The following ANKRD30B variants were observed in gnomAD, a reference collection of about 807,000 sequenced individuals.
ANKRD30B encodes ankyrin repeat domain-containing protein 30B.
Under a neutral mutation model 202.2 loss-of-function variants are expected in ANKRD30B, and 144 were observed. The observed-to-expected ratio is 0.71, with a 90% confidence interval of 0.62 to 0.82. The LOEUF is 0.82. Ranked by LOEUF, ANKRD30B falls within the 40% of genes least tolerant of loss-of-function variation. The pLI is 0.00. For synonymous variants in ANKRD30B, 508 were observed against 561.3 expected (o/e 0.91, Z 1.34); for missense variants, 1,487 against 1,669.1 (o/e 0.89, Z 1.90).
At position 14,757,852 on chromosome 18, in the gene ANKRD30B, G is replaced by A. The variant is rs530927155; in HGVS notation, c.655G>A (p.Glu219Lys). 2 of 1,613,860 alleles carry A rather than the reference G, an allele frequency of 1.2e-6. No homozygotes were observed. Among genetic ancestry groups the A allele is most frequent in the South Asian group, 2.2e-5 (2 of 91,068 alleles). Residue 219 changes from glutamate (E) to lysine (K), a missense_variant, in exon 5 of 44, where the codon GAG becomes AAG. Transcript: ENST00000690538. ...LMLAICEGSS[E>K]IVGMLLQQNV... ...GCTTGCCATATGTGAAGGCTCATCA[G>A]AGATAGTCGGCATGCTTCTTCAGCA...
At chr18:14,875,446 C>T in the ANKRD30B span, among the ~76,000 whole-genome samples, 1 of 152,176 alleles carries the variant, frequency 6.6e-6, no homozygotes, top group Admixed American at 6.5e-5. Context: ...AGGGGCTTTC[C>T]CATAGGAAGG....
At chr18:14,901,555 GTT>G in the ANKRD30B span, among the ~76,000 whole-genome samples, 6 of 148,484 alleles carry the variant, frequency 4.0e-5, no homozygotes. Context: ...TCAAGACAAA[GTT>G]TTTTTTTTTT....
chr18:14,784,083 C>G (rs1038870122), intron 12 of ANKRD30B, among the ~76,000 whole-genome samples: 1 of 152,096 alleles, frequency 6.6e-6, no homozygotes, highest in African/African-American at 2.4e-5. Context: ...TCATATCAAC[C>G]CTTTTTACAC....
At chr18:14,756,114 T>C (rs894749196) in intron 4 of ANKRD30B, among the ~76,000 whole-genome samples, 30 of 152,208 alleles carry the variant, frequency 2.0e-4, no homozygotes, top group African/African-American at 6.8e-4. Flanking sequence ...TGTGAGATGG[T>C]ATCTCATTGT....
chr18:14,938,094 T>TCCTCTCCCTACATGCCTTCCCC, the ANKRD30B span, among the ~76,000 whole-genome samples: 1 of 152,124 alleles, frequency 6.6e-6, no homozygotes, highest in African/African-American at 2.4e-5. Flanking sequence ...CTGCCTTCAC[T>TCCTCTCCCTACATGCCTTCCCC]CCTCTCCCTA....
At chr18:14,893,505 G>T in the ANKRD30B span, among the ~76,000 whole-genome samples, 1 of 152,038 alleles carries the variant, frequency 6.6e-6, no homozygotes, top group African/African-American at 2.4e-5. Flanking sequence ...CAGTTACTCG[G>T]GAGGCTGAGT....
chr18:14,807,821 G>C (rs1198243381), intron 24 of ANKRD30B, among the ~76,000 whole-genome samples: 2 of 150,912 alleles, frequency 1.3e-5, no homozygotes, highest in Admixed American at 1.3e-4. Context: ...CATGAGCCAC[G>C]GCACCTGGAC....
chr18:14,847,851 A>G (rs1301852666), intron 39 of ANKRD30B, among the ~76,000 whole-genome samples: 1 of 151,928 alleles, frequency 6.6e-6, no homozygotes, highest in Admixed American at 6.6e-5. Context: ...CTCTAATTTT[A>G]TAAGTTCCGC....
chr18:14,936,957 C>G, the ANKRD30B span, among the ~76,000 whole-genome samples: 1 of 152,152 alleles, frequency 6.6e-6, no homozygotes, highest in Non-Finnish European at 1.5e-5. Flanking sequence ...TACCTCCAGT[C>G]CTGGGCTCCA....
the ANKRD30B span, among the ~76,000 whole-genome samples, chr18:14,929,929 G>A: frequency 6.6e-6 from 1 of 152,140 alleles, no homozygotes; most frequent in African/African-American, 2.4e-5. Flanking sequence ...GGAAAATGAG[G>A]CAGCCAGATG....
chr18:14,851,369 GATTCA>G (rs1971877105), intron 41 of ANKRD30B, 135 bp from the exon 42 acceptor site: 1 of 730,224 alleles, frequency 1.4e-6, no homozygotes, highest in Non-Finnish European at 1.9e-6. Context: ...TTGAAGTTTT[GATTCA>G]ATGGTTCTTC....
chr18:14,772,132 A>T lies in ANKRD30B; in HGVS notation c.1257-24A>T, dbSNP rs1598596155. 10 of 1,421,934 alleles carry T rather than the reference A, an allele frequency of 7.0e-6. No individual in the cohort carries two copies. The East Asian group carries it at 2.6e-4, about 37-fold the overall frequency. 88.1% of individuals were successfully genotyped at this position (1,421,934 alleles called of 1,614,324 possible). A position where few individuals can be genotyped will look rare whatever the true frequency, so the allele number is the denominator to read the frequency against. ...TTTAAATATATGAATTTGCTCATTT[A>T]TGTTGTATCATTTTTCTTTAAAGTC... On this transcript the variant is annotated intron_variant, in intron 8 of 43. Transcript: ENST00000690538.
At chr18:14,790,832 G>T (rs528401004) in intron 15 of ANKRD30B, among the ~76,000 whole-genome samples, 1 of 152,122 alleles carries the variant, frequency 6.6e-6, no homozygotes, top group Admixed American at 6.5e-5. Flanking sequence ...GTTCATCAGG[G>T]ATATTGGTCT....
chr18:14,896,182 A>G, the ANKRD30B span, among the ~76,000 whole-genome samples: 1 of 149,986 alleles, frequency 6.7e-6, no homozygotes, highest in Non-Finnish European at 1.5e-5. Context: ...CCCAGGCTGG[A>G]GTGCAGTGGC....
chr18:14,804,736 T>A (rs1243878379), intron 24 of ANKRD30B, among the ~76,000 whole-genome samples: 1 of 150,766 alleles, frequency 6.6e-6, no homozygotes, highest in Non-Finnish European at 1.5e-5. Context: ...GAATAGAAAT[T>A]GTAGATGGAA....
intron 10 of ANKRD30B, among the ~76,000 whole-genome samples, chr18:14,779,286 T>C (rs1443165171): frequency 6.6e-6 from 1 of 152,222 alleles, no homozygotes; most frequent in Non-Finnish European, 1.5e-5. Flanking sequence ...CAATCATTTT[T>C]CCTAGAAATG....
In ANKRD30B at chr18:14,754,914, C is replaced by T. The variant is rs1357754443; in HGVS notation, c.526C>T (p.Leu176Phe). ...TATTTTACAGGCTAGCCTCACACCC[C>T]TTTTACTGGCCATACAGAAAAGAAG... ...EVQNKASLTP[L>F]LLAIQKRSKQ... is the part of the protein sequence containing the mutation. The change falls in exon 4 of 44, where the codon CTT becomes TTT. Residue 176 changes from leucine to phenylalanine, a missense_variant. Leu to Phe is a conservative substitution (Grantham distance 22). Around this residue, in one of 6 missense-constraint regions of ANKRD30B, gnomAD observed 889 missense variants for 841.4 expected, o/e 1.06. Coordinates refer to ENST00000690538, the MANE Select transcript of ANKRD30B (RefSeq NM_001367607.2). 1.9e-6 allele frequency: 3 copies of T among 1,542,256 alleles called. No individual in the cohort carries two copies. The South Asian group carries it at 3.7e-5, about 19-fold the overall frequency.
chr18:14,752,252 T>C (rs1350256936), intron 1 of ANKRD30B, among the ~76,000 whole-genome samples: 1 of 152,170 alleles, frequency 6.6e-6, no homozygotes, highest in Non-Finnish European at 1.5e-5. Context: ...TGTATTCATC[T>C]CCATTTTATT....
chr18:14,878,857 C>T, the ANKRD30B span, among the ~76,000 whole-genome samples: 1 of 152,288 alleles, frequency 6.6e-6, no homozygotes, highest in South Asian at 2.1e-4. Flanking sequence ...AGGTGCTGTG[C>T]AGCAATGCCC....
Sources: gnomAD v4.1 joint callset for allele counts (sites outside exome capture counted in the v4.1 genomes callset) on GRCh38, gnomAD v4.1.1 for gene constraint, gnomAD v4.1.1 regional missense constraint, MANE v1.5 for transcripts, NCBI Gene and HGNC (gene_info 2026-07-23, HGNC 2026-07-21) for gene names.